SCAMP1: variants seen among roughly 807,000 people sequenced by gnomAD.
The protein encoded by SCAMP1 is secretory carrier-associated membrane protein 1.
In SCAMP1, 15 loss-of-function variants were observed where a neutral mutation model predicts 41.8. That is an observed-to-expected ratio of 0.36 (90% CI 0.24 to 0.55). The LOEUF (loss-of-function observed/expected upper bound fraction) is 0.55. Ranked by LOEUF, SCAMP1 falls within the 20% of genes least tolerant of loss-of-function variation. The pLI, the probability that SCAMP1 is intolerant of heterozygous loss-of-function variation, is 0.86. For missense variants in SCAMP1, 341 were observed against 412.6 expected (o/e 0.83, Z 1.50); for synonymous variants, 135 against 136.8 (o/e 0.99, Z 0.09).
At chr5:78,361,604 C>T (rs1040877110) in intron 1 of SCAMP1, among the ~76,000 whole-genome samples, 1 of 152,240 alleles carries the variant, frequency 6.6e-6, no homozygotes. Flanking sequence ...TATTCATCGT[C>T]TGCGTTTAAA....
chr5:78,396,817 A>G, intron 2 of SCAMP1, among the ~76,000 whole-genome samples: 1 of 152,382 alleles, frequency 6.6e-6, no homozygotes, highest in Middle Eastern at 3.4e-3. Flanking sequence ...GTGATAAACT[A>G]TCAATGCTGA....
rs936872951 is a variant in SCAMP1 at position 78,459,000 on chromosome 5, C to G, written c.735-245C>G. Among the ~76,000 whole-genome samples the G allele has an allele frequency of 8.3e-4, 126 of 152,204 alleles. 2 individuals are homozygous for G. The highest frequency in any genetic ancestry group is 3.0e-3 in the African/African-American group (123 of 41,452). On this transcript the variant is annotated intron_variant, in intron 7 of 8. Transcript: ENST00000621999. ...AGTTTGGTTTGCTTTTGAATTTAGACTATGCCATTTATAAGCTGTGTGACC... is the reference window on the plus strand; with the variant it reads ...AGTTTGGTTTGCTTTTGAATTTAGAGTATGCCATTTATAAGCTGTGTGACC...
At chr5:78,459,463 G>A (rs902891394) in intron 8 of SCAMP1, 101 bp downstream of exon 8, 36 of 633,796 alleles carry the variant, frequency 5.7e-5, no homozygotes, top group African/African-American at 3.0e-4. Flanking sequence ...CCATTTTATC[G>A]TTATTGTATG....
intron 1 of SCAMP1, among the ~76,000 whole-genome samples, chr5:78,370,329 G>A (rs1271595383): frequency 6.6e-6 from 1 of 152,130 alleles, no homozygotes; most frequent in Non-Finnish European, 1.5e-5. Flanking sequence ...AGTGGGTGTG[G>A]GATATAAAAG....
At position 78,420,713 on chromosome 5, in the gene SCAMP1, A is replaced by G. The variant is rs571368235; in HGVS notation, c.473-1088A>G. ...TTCATCTGGAGCTCTTTTTAAAAAAAAACAAAAAACAAAACTCTAGAGCTT... is the reference window on the plus strand; with the variant it reads ...TTCATCTGGAGCTCTTTTTAAAAAAGAACAAAAAACAAAACTCTAGAGCTT... On this transcript the variant is annotated intron_variant, in intron 5 of 8. Transcript: ENST00000621999. Among the ~76,000 whole-genome samples the G allele has an allele frequency of 5.9e-5, 9 of 152,320 alleles. No individual in the cohort carries two copies. In the South Asian group the frequency reaches 1.9e-3, roughly 32 times the overall value.
At chr5:78,460,990 G>C (rs563375990) in intron 8 of SCAMP1, among the ~76,000 whole-genome samples, 1 of 152,006 alleles carries the variant, frequency 6.6e-6, no homozygotes, top group East Asian at 1.9e-4. Flanking sequence ...TGAGTAGCTA[G>C]GATTACAGGT....
chr5:78,441,218 A>G (rs1042472669), intron 6 of SCAMP1, among the ~76,000 whole-genome samples: 4 of 152,086 alleles, frequency 2.6e-5, no homozygotes, highest in African/African-American at 7.2e-5. Context: ...CCACTGTCCA[A>G]CCAGTCCCAG....
chr5:78,403,109 G>T (rs1294492801), intron 2 of SCAMP1, among the ~76,000 whole-genome samples: 2 of 152,154 alleles, frequency 1.3e-5, no homozygotes, highest in Non-Finnish European at 2.9e-5. Flanking sequence ...GGCCTCAAGT[G>T]ATCTGCCTGC....
chr5:78,395,839 T>C (rs748707944), intron 2 of SCAMP1, among the ~76,000 whole-genome samples: 6 of 152,222 alleles, frequency 3.9e-5, no homozygotes, highest in Non-Finnish European at 5.9e-5. Context: ...GGAGTTTATA[T>C]AATGTAACGT....
intron 6 of SCAMP1, among the ~76,000 whole-genome samples, chr5:78,430,488 A>T (rs1319341670): frequency 1.3e-5 from 2 of 151,686 alleles, no homozygotes; most frequent in Non-Finnish European, 2.9e-5. Flanking sequence ...TTCTGTTTAT[A>T]TAACCAGAAA....
In SCAMP1 at chr5:78,384,638, G is replaced by A. The variant is rs141626320; in HGVS notation, c.58-4199G>A. 6.1e-3 allele frequency among the ~76,000 whole-genome samples: 927 copies of A among 151,964 alleles called. 7 individuals carry two copies. The highest frequency in any genetic ancestry group is 0.032 in the South Asian group (154 of 4,802). ...CCTTAAGGTATGTCCCTTTTATGCCGATTTTGCTGAGGCTTTTTCACAAAG... is the reference window on the plus strand; with the variant it reads ...CCTTAAGGTATGTCCCTTTTATGCCAATTTTGCTGAGGCTTTTTCACAAAG... On this transcript the variant is annotated intron_variant, in intron 1 of 8. Transcript: ENST00000621999.
intron 2 of SCAMP1, among the ~76,000 whole-genome samples, chr5:78,397,027 GTTTT>G (rs1183075270): frequency 6.6e-6 from 1 of 151,964 alleles, no homozygotes; most frequent in Non-Finnish European, 1.5e-5. Context: ...AGAGCAGAGA[GTTTT>G]TTTTAGGGAA....
At chr5:78,428,249 G>T (rs1345404416) in intron 6 of SCAMP1, among the ~76,000 whole-genome samples, 1 of 151,994 alleles carries the variant, frequency 6.6e-6, no homozygotes, top group Non-Finnish European at 1.5e-5. Context: ...TTTGTGTAAG[G>T]GTCTAAATGC....
intron 8 of SCAMP1, among the ~76,000 whole-genome samples, chr5:78,470,694 G>A (rs557201736): frequency 1.3e-5 from 2 of 152,160 alleles, no homozygotes; most frequent in South Asian, 2.1e-4. Context: ...GAATTCCTAT[G>A]TAGTCTTATA....
chr5:78,410,061 C>T (rs928537102), intron 2 of SCAMP1, among the ~76,000 whole-genome samples: 1 of 151,240 alleles, frequency 6.6e-6, no homozygotes, highest in African/African-American at 2.4e-5. Context: ...GCCATGTGAA[C>T]TTGGGACAAT....
At chr5:78,461,301 A>G (rs1272237919) in intron 8 of SCAMP1, among the ~76,000 whole-genome samples, 1 of 152,058 alleles carries the variant, frequency 6.6e-6, no homozygotes, top group Non-Finnish European at 1.5e-5. Context: ...GGATTTTTGT[A>G]GTTTGAGGTT....
intron 1 of SCAMP1, among the ~76,000 whole-genome samples, chr5:78,374,330 C>T (rs1751014013): frequency 6.6e-6 from 1 of 152,058 alleles, no homozygotes; most frequent in Admixed American, 6.6e-5. Context: ...TCACTTCTCT[C>T]ATTTTATAGG....
At chr5:78,381,943 CAG>C (rs1751214704) in intron 1 of SCAMP1, among the ~76,000 whole-genome samples, 2 of 151,946 alleles carry the variant, frequency 1.3e-5, no homozygotes, top group Admixed American at 1.3e-4. Context: ...GGATAAAGGA[CAG>C]AGGAAAGAGG....
chr5:78,362,067 C>T (rs12652792), intron 1 of SCAMP1, among the ~76,000 whole-genome samples: 42,756 of 151,836 alleles, frequency 0.28, 6,323 homozygotes, highest in East Asian at 0.54. Flanking sequence ...CTTTCAGTGA[C>T]ATGGTTGCAT....
Sources: allele counts gnomAD v4.1 joint callset (sites outside exome capture counted in the v4.1 genomes callset), GRCh38; gene constraint gnomAD v4.1.1; transcripts MANE v1.5; gene names NCBI Gene and HGNC (gene_info 2026-07-23, HGNC 2026-07-21).